The following SOBP variants were observed in gnomAD, a reference collection of about 807,000 sequenced individuals.
SOBP encodes the protein sine oculis-binding protein homolog.
Under a neutral mutation model 53.6 loss-of-function variants are expected in SOBP, and 4 were observed. The observed-to-expected ratio is 0.07, with a 90% CI of 0.04 to 0.17. The LOEUF (loss-of-function observed/expected upper bound fraction) is 0.17, where lower values mean the gene tolerates loss of function less well. Among genes scored for constraint, SOBP ranks in the 10% least tolerant of loss-of-function variants. The pLI is 1.00. For synonymous variants in SOBP, 584 were observed against 522.6 expected (o/e 1.12, Z -1.60); for missense variants, 1,088 against 1,204.7 (o/e 0.90, Z 1.43).
intron 4 of SOBP, among the ~76,000 whole-genome samples, chr6:107,582,307 G>C (rs762482850): frequency 1.3e-5 from 2 of 152,168 alleles, no homozygotes; most frequent in Non-Finnish European, 2.9e-5. Flanking sequence ...AAGAACTAAA[G>C]TTTGCTGTAT....
chr6:107,517,821 A>T (rs981581066), intron 3 of SOBP, among the ~76,000 whole-genome samples: 3 of 152,210 alleles, frequency 2.0e-5, no homozygotes, highest in Non-Finnish European at 2.9e-5. Context: ...CTTAAACTAC[A>T]TACATAAAGT....
At chr6:107,493,057 A>G (rs1213288287) in intron 1 of SOBP, among the ~76,000 whole-genome samples, 1 of 152,176 alleles carries the variant, frequency 6.6e-6, no homozygotes, top group East Asian at 1.9e-4. Flanking sequence ...TGTTTTTAAT[A>G]TTAATAATCA....
At chr6:107,601,865 A>G (rs1786189374) in intron 5 of SOBP, among the ~76,000 whole-genome samples, 1 of 152,258 alleles carries the variant, frequency 6.6e-6, no homozygotes, top group Non-Finnish European at 1.5e-5. Context: ...TAATTTATTA[A>G]AGAGAAGCAA....
chr6:107,624,719 A>G (rs1197493459), intron 5 of SOBP, among the ~76,000 whole-genome samples: 4 of 152,212 alleles, frequency 2.6e-5, no homozygotes, highest in Non-Finnish European at 5.9e-5. Flanking sequence ...TTGGCTGTGT[A>G]GATGGGTATG....
chr6:107,570,080 G>A (rs1416069501), intron 4 of SOBP, among the ~76,000 whole-genome samples: 1 of 152,210 alleles, frequency 6.6e-6, no homozygotes, highest in Non-Finnish European at 1.5e-5. Flanking sequence ...AACGGGACTG[G>A]TTAAATACTC....
chr6:107,615,509 C>T (rs1371942977), intron 5 of SOBP, among the ~76,000 whole-genome samples: 3 of 152,142 alleles, frequency 2.0e-5, no homozygotes, highest in African/African-American at 7.2e-5. Flanking sequence ...CCTCACCTGC[C>T]CCTAGTCTGT....
chr6:107,554,069 C>T (rs1184214438), intron 4 of SOBP, among the ~76,000 whole-genome samples: 1 of 152,116 alleles, frequency 6.6e-6, no homozygotes, highest in Non-Finnish European at 1.5e-5. Context: ...TGTAAATCCA[C>T]CAGCATGAGG....
chr6:107,503,745 G>C lies in SOBP; in HGVS notation c.185G>C (p.Arg62Thr), dbSNP rs1303907581. Residue 62 changes from arginine to threonine, a missense_variant, in exon 2 of 7, where the codon AGG becomes ACG. By Grantham distance (71) the Arg-to-Thr change is moderately conservative. Transcript: ENST00000317357. ...AAAGATGGTGAGGATATTGAATTCAGGAGCTACCCTACAGATGGGGAGAGC... is the reference window on the plus strand; with the variant it reads ...AAAGATGGTGAGGATATTGAATTCACGAGCTACCCTACAGATGGGGAGAGC... ...ELKDGEDIEF[R>T]SYPTDGESRQ... 2 of 1,614,154 alleles carry C rather than the reference G, an allele frequency of 1.2e-6. No homozygotes were observed. Among genetic ancestry groups the C allele is most frequent in the African/African-American group, 2.7e-5 (2 of 75,038 alleles).
chr6:107,622,367 C>T (rs1473650004), intron 5 of SOBP, among the ~76,000 whole-genome samples: 1 of 152,200 alleles, frequency 6.6e-6, no homozygotes, highest in Non-Finnish European at 1.5e-5. Flanking sequence ...TATTAGGTGG[C>T]TAGCAGAGGC....
At chr6:107,606,388 C>T (rs977058325) in intron 5 of SOBP, among the ~76,000 whole-genome samples, 2 of 152,040 alleles carry the variant, frequency 1.3e-5, no homozygotes, top group African/African-American at 4.8e-5. Flanking sequence ...CTAGATAGCA[C>T]TCTTATCCAC....
intron 3 of SOBP, among the ~76,000 whole-genome samples, chr6:107,527,990 C>T (rs1004931163): frequency 2.0e-5 from 3 of 152,178 alleles, no homozygotes; most frequent in Non-Finnish European, 4.4e-5. Context: ...TCAGGTTGCC[C>T]TAGCTCTTTC....
intron 5 of SOBP, among the ~76,000 whole-genome samples, chr6:107,615,148 A>G (rs1306103009): frequency 3.3e-5 from 5 of 152,206 alleles, no homozygotes; most frequent in Non-Finnish European, 5.9e-5. Context: ...GTTATTCTCT[A>G]TATTTCATGC....
intron 4 of SOBP, among the ~76,000 whole-genome samples, chr6:107,547,908 A>G (rs1227198595): frequency 6.6e-6 from 1 of 152,270 alleles, no homozygotes; most frequent in East Asian, 1.9e-4. Flanking sequence ...TCCCCCTTCT[A>G]TTGCACTGCA....
intron 5 of SOBP, among the ~76,000 whole-genome samples, chr6:107,625,113 C>A (rs1770398943): frequency 6.6e-6 from 1 of 152,178 alleles, no homozygotes; most frequent in Non-Finnish European, 1.5e-5. Flanking sequence ...TGAGGAAATT[C>A]ATGTAGCATG....
At chr6:107,512,784 G>GAAA (rs1201376979) in intron 3 of SOBP, among the ~76,000 whole-genome samples, 8 of 152,064 alleles carry the variant, frequency 5.3e-5, no homozygotes, top group African/African-American at 1.9e-4. Flanking sequence ...TGTTCACAAG[G>GAAA]AGAAGTGAAA....
At chr6:107,534,732 G>A (rs966015610) in intron 4 of SOBP, among the ~76,000 whole-genome samples, 17 of 152,138 alleles carry the variant, frequency 1.1e-4, no homozygotes, top group Non-Finnish European at 1.9e-4. Flanking sequence ...CAGTCTCTAA[G>A]AGTTAGGCTC....
At chr6:107,645,264 C>T (rs17068440) in intron 6 of SOBP, among the ~76,000 whole-genome samples, 15,042 of 152,134 alleles carry the variant, frequency 0.099, 931 homozygotes, top group Admixed American at 0.19. Flanking sequence ...TTACAATCTG[C>T]GAAACTTAAT....
In SOBP at chr6:107,635,279, A is replaced by G. The variant is rs1255521375; in HGVS notation, c.2435A>G (p.Glu812Gly). ...SDPNLNNPAD[E>G]DHAYALRMLP... ...CCGAACCTTAATAACCCCGCGGACGAGGACCATGCCTATGCTCTGCGGATG... is the reference window on the plus strand; with the variant it reads ...CCGAACCTTAATAACCCCGCGGACGGGGACCATGCCTATGCTCTGCGGATG... Residue 812 changes from glutamate to glycine, a missense_variant, in exon 6 of 7, where the codon GAG becomes GGG. Physicochemically the swap from Glu to Gly is moderately conservative, Grantham distance 98. Around this residue, in one of 6 missense-constraint regions of SOBP, gnomAD observed 665 missense variants for 629.7 expected, o/e 1.06. Transcript: ENST00000317357. The surrounding 1 kb of genome is among the most constrained non-coding windows in gnomAD (Gnocchi z 4.5). 4.3e-6 allele frequency: 7 copies of G among 1,613,864 alleles called. No homozygotes were observed. Among genetic ancestry groups the G allele is most frequent in the Non-Finnish European group, 5.1e-6 (6 of 1,179,982 alleles).
intron 4 of SOBP, among the ~76,000 whole-genome samples, chr6:107,569,096 A>G (rs555297453): frequency 1.9e-3 from 283 of 152,296 alleles, no homozygotes; most frequent in African/African-American, 6.1e-3. Context: ...GGTCAGAACA[A>G]TCCACCACTT....
Sources: allele counts gnomAD v4.1 joint callset (sites outside exome capture counted in the v4.1 genomes callset), GRCh38; gene constraint gnomAD v4.1.1; regional missense constraint gnomAD v4.1.1; non-coding constraint Gnocchi (gnomAD v3.1); transcripts MANE v1.5; gene names NCBI Gene and HGNC (gene_info 2026-07-23, HGNC 2026-07-21).